The following DENND5B variants were observed in gnomAD, a reference collection of about 807,000 sequenced individuals.
DENND5B encodes DENN domain-containing protein 5B.
A neutral mutation model predicts 140.6 loss-of-function variants in DENND5B; 34 were observed. That is an observed-to-expected ratio of 0.24 (90% CI 0.18 to 0.32). The LOEUF (loss-of-function observed/expected upper bound fraction) is 0.32. DENND5B is among the 10% of genes least tolerant of loss of function. DENND5B has a pLI of 1.00. For missense variants in DENND5B, 1,142 were observed against 1,560.2 expected (o/e 0.73, Z 4.52); for synonymous variants, 551 against 562.1 (o/e 0.98, Z 0.28).
intron 11 of DENND5B, among the ~76,000 whole-genome samples, chr12:31,420,371 A>C (rs1294195625): frequency 6.6e-6 from 1 of 151,906 alleles, no homozygotes; most frequent in Non-Finnish European, 1.5e-5. Flanking sequence ...TCCTGGGCTC[A>C]AGTGATCCTT....
chr12:31,489,635 T>C (rs1441041921), intron 2 of DENND5B, among the ~76,000 whole-genome samples: 1 of 152,194 alleles, frequency 6.6e-6, no homozygotes, highest in African/African-American at 2.4e-5. Context: ...GCTAGGGATA[T>C]AACAATGAAT....
At chr12:31,468,812 A>G (rs1450711172) in intron 3 of DENND5B, among the ~76,000 whole-genome samples, 2 of 106,776 alleles carry the variant, frequency 1.9e-5, no homozygotes, top group African/African-American at 6.8e-5. Flanking sequence ...GCCCTGTCTC[A>G]AAAAACCAAA....
In DENND5B at chr12:31,541,631, C is replaced by G. The variant is rs545595296; in HGVS notation, c.128-45712G>C. ...AAATTAGTACAACCACTATGGAGAA[C>G]AGTTTGGAGGTTCCTCAAAAAACTA... On this transcript the variant is annotated intron_variant, in intron 1 of 20. Coordinates refer to ENST00000389082, the MANE Select transcript of DENND5B (RefSeq NM_144973.4). Among the ~76,000 whole-genome samples the G allele has an allele frequency of 9.2e-5, 14 of 152,270 alleles. No individual in the cohort carries two copies. The East Asian group carries it at 2.5e-3, about 27-fold the overall frequency.
intron 17 of DENND5B, among the ~76,000 whole-genome samples, chr12:31,395,732 C>T (rs1052847122): frequency 6.6e-6 from 1 of 152,142 alleles, no homozygotes; most frequent in Admixed American, 6.5e-5. Context: ...CTATTAGGTA[C>T]CTTTGTTATT....
Position 31,413,518 on chromosome 12 carries a change from G to A in DENND5B, c.2599C>T (p.Arg867Trp), listed in dbSNP as rs375895988. The A allele has an allele frequency of 4.3e-6, 7 of 1,613,730 alleles. No homozygotes were observed. Among genetic ancestry groups the A allele is most frequent in the Middle Eastern group, 1.6e-4 (1 of 6,084 alleles). ...SEIKTDVGRA[R>W]AWIRLSLEKK... ...TCTAGAGACAGTCTTATCCACGCCC[G>A]AGCTCGTCCAACATCAGTCTTGATC... The change falls in exon 13 of 21, where the codon CGG becomes TGG. Residue 867 changes from arginine (R) to tryptophan (W), a missense_variant. This residue lies in a region of DENND5B where 268 missense variants were observed against 349.2 expected (regional missense o/e 0.77). Transcript: ENST00000389082.
rs1388811090 is a variant in DENND5B at position 31,423,618 on chromosome 12, C to T, written c.2449G>A (p.Glu817Lys). Residue 817 changes from glutamate (E) to lysine (K), a missense_variant, in exon 11 of 21, where the codon GAG (glutamate) becomes AAG (lysine). Physicochemically the swap from Glu to Lys is moderately conservative, Grantham distance 56 (BLOSUM62 1). This residue lies in a region of DENND5B where 268 missense variants were observed against 349.2 expected (regional missense o/e 0.77). Coordinates refer to ENST00000389082, the MANE Select transcript of DENND5B (RefSeq NM_144973.4). ...IQFQDREEKQ[E>K]HLAESPVALG... ...ATACCTGGTGATTCTGCAAGGTGCT[C>T]TTGTTTCTCTTCTCTGTCCTGAAAT... 2.5e-6 allele frequency: 4 copies of T among 1,613,758 alleles called. No individual in the cohort carries two copies. In the East Asian group the frequency reaches 6.7e-5, roughly 27 times the overall value.
chr12:31,456,598 C>T (rs1395444291), intron 4 of DENND5B, among the ~76,000 whole-genome samples: 1 of 152,198 alleles, frequency 6.6e-6, no homozygotes, highest in African/African-American at 2.4e-5. Context: ...TATGAGACAA[C>T]TGTTTGGCAA....
rs954041797 is a variant in DENND5B at position 31,479,996 on chromosome 12, T to C, written c.497A>G (p.Asp166Gly). Residue 166 changes from aspartate to glycine, a missense_variant, in exon 3 of 21, where the codon GAT (aspartate) becomes GGT (glycine). Asp to Gly is a moderately conservative substitution (Grantham distance 94). This residue lies in a region of DENND5B where 708 missense variants were observed against 905.5 expected (regional missense o/e 0.78). Coordinates refer to ENST00000389082, the MANE Select transcript of DENND5B (RefSeq NM_144973.4). ...DSLASSLDEG[D>G]TTSLLKLQRY... The stretch of plus-strand genomic sequence containing the variant: ...CTGGAGTTTCAAAAGGGAAGTTGTA[T>C]CTCCTTCATCAAGACTACTTGCCAA... 1.2e-6 allele frequency: 2 copies of C among 1,613,882 alleles called. No individual in the cohort carries two copies. Among genetic ancestry groups the C allele is most frequent in the African/African-American group, 1.3e-5 (1 of 74,918 alleles).
At chr12:31,585,681 A>G (rs568508036) in intron 1 of DENND5B, among the ~76,000 whole-genome samples, 32 of 152,334 alleles carry the variant, frequency 2.1e-4, no homozygotes, top group African/African-American at 7.5e-4. Context: ...GGTCCCTTCA[A>G]GAACTAACGT....
In DENND5B at chr12:31,388,368, G is replaced by A. The variant is rs1372241228; in HGVS notation, c.3642-582C>T. On this transcript the variant is annotated intron_variant, in intron 20 of 20. Transcript: ENST00000389082. ...AAATCAGAAGAGTATAGAGATAAAA[G>A]GAGATAAAGATCATGCTCAAAAGAA... Among the ~76,000 whole-genome samples the A allele has an allele frequency of 2.6e-5, 4 of 151,810 alleles. No homozygotes were observed. The East Asian group carries it at 7.7e-4, about 29-fold the overall frequency.
At chr12:31,502,787 C>T (rs978216827) in intron 1 of DENND5B, among the ~76,000 whole-genome samples, 6 of 152,148 alleles carry the variant, frequency 3.9e-5, no homozygotes, top group African/African-American at 1.4e-4. Flanking sequence ...TTTACAGAAA[C>T]CTTTCATACT....
At chr12:31,467,827 T>C (rs1945348565) in intron 3 of DENND5B, among the ~76,000 whole-genome samples, 1 of 151,878 alleles carries the variant, frequency 6.6e-6, no homozygotes, top group Admixed American at 6.6e-5. Flanking sequence ...AAATTTATCA[T>C]TAAGAAAAAG....
chr12:31,555,307 G>T (rs1267799173), intron 1 of DENND5B, among the ~76,000 whole-genome samples: 1 of 152,210 alleles, frequency 6.6e-6, no homozygotes, highest in Non-Finnish European at 1.5e-5. Context: ...GTTGGAGTTT[G>T]CTGGAGGTCC....
At chr12:31,482,881 T>C (rs1222629723) in intron 2 of DENND5B, among the ~76,000 whole-genome samples, 2 of 152,316 alleles carry the variant, frequency 1.3e-5, no homozygotes, top group East Asian at 3.9e-4. Flanking sequence ...GCCAAAATTC[T>C]CCAATGGACT....
intron 1 of DENND5B, among the ~76,000 whole-genome samples, chr12:31,524,947 A>AACATAC: frequency 6.6e-6 from 1 of 152,282 alleles, no homozygotes; most frequent in Admixed American, 6.5e-5. Flanking sequence ...ACCTCATGAG[A>AACATAC]ACATACACAA....
At chr12:31,414,026 A>G (rs1173623430) in intron 12 of DENND5B, among the ~76,000 whole-genome samples, 1 of 152,266 alleles carries the variant, frequency 6.6e-6, no homozygotes, top group Non-Finnish European at 1.5e-5. Flanking sequence ...TATGGAAAAT[A>G]TGAAATCTTA....
intron 14 of DENND5B, among the ~76,000 whole-genome samples, chr12:31,408,279 A>T (rs2137502004): frequency 6.6e-6 from 1 of 152,178 alleles, no homozygotes; most frequent in Middle Eastern, 3.4e-3. Flanking sequence ...AGCCTAGGTG[A>T]CAGAGCCAGA....
chr12:31,414,976 A>G (rs793156), intron 12 of DENND5B, among the ~76,000 whole-genome samples: 148,650 of 150,948 alleles, frequency 0.98, 73,242 homozygotes, highest in Middle Eastern at 1. Context: ...TTAGCTGGGT[A>G]TGGTGGCAGG....
chr12:31,420,235 C>G (rs1027788017), intron 11 of DENND5B, among the ~76,000 whole-genome samples: 4 of 151,902 alleles, frequency 2.6e-5, no homozygotes, highest in African/African-American at 9.7e-5. Flanking sequence ...CTCAAGTGAT[C>G]CTCCCACCTC....
Sources: gnomAD v4.1 joint callset for allele counts (sites outside exome capture counted in the v4.1 genomes callset) on GRCh38, gnomAD v4.1.1 for gene constraint, gnomAD v4.1.1 regional missense constraint, MANE v1.5 for transcripts, NCBI Gene and HGNC (gene_info 2026-07-23, HGNC 2026-07-21) for gene names.